DGKB: variants seen among roughly 807,000 people sequenced by gnomAD.
The protein encoded by DGKB is diacylglycerol kinase beta.
In DGKB, 67 loss-of-function variants were observed where a neutral mutation model predicts 114.3. The observed-to-expected ratio is 0.59, with a 90% CI of 0.48 to 0.72. DGKB has a LOEUF of 0.72. Among genes scored for constraint, DGKB ranks in the 30% least tolerant of loss-of-function variants. The pLI, the probability that DGKB is intolerant of heterozygous loss-of-function variation, is 0.00. For synonymous variants in DGKB, 398 were observed against 323.1 expected, an observed-to-expected ratio of 1.23 and a Z score of -2.49; for missense variants, 907 against 975.2, an observed-to-expected ratio of 0.93 and a Z score of 0.93.
At chr7:14,434,554 C>T (rs1828957957) in intron 21 of DGKB, among the ~76,000 whole-genome samples, 1 of 152,082 alleles carries the variant, frequency 6.6e-6, no homozygotes, top group Admixed American at 6.6e-5. Context: ...AAAAGTAGCT[C>T]CTCCCATAGA....
chr7:14,643,049 A>G (rs969690414), intron 13 of DGKB, among the ~76,000 whole-genome samples: 2 of 152,210 alleles, frequency 1.3e-5, no homozygotes, highest in Non-Finnish European at 2.9e-5. Context: ...ACAACAGCAA[A>G]TAAATAACCA....
chr7:14,673,103 G>A (rs945777524), intron 12 of DGKB, 76 bp from the exon 13 acceptor site: 6 of 786,782 alleles, frequency 7.6e-6, no homozygotes, highest in South Asian at 3.2e-5. Context: ...TATTTCAATC[G>A]AGATACAGCA....
At chr7:14,826,269 G>A (rs539177029) in intron 2 of DGKB, among the ~76,000 whole-genome samples, 4 of 152,104 alleles carry the variant, frequency 2.6e-5, no homozygotes, top group East Asian at 1.9e-4. Flanking sequence ...TGGGACTCTC[G>A]ATGCTTTCAA....
At chr7:14,842,944 A>G (rs868263885) in intron 1 of DGKB, among the ~76,000 whole-genome samples, 1 of 152,206 alleles carries the variant, frequency 6.6e-6, no homozygotes, top group South Asian at 2.1e-4. Context: ...CAGGTGGCTA[A>G]TGCCTATAAT....
chr7:14,767,020 T>A (rs1232771676), intron 2 of DGKB, among the ~76,000 whole-genome samples: 1 of 150,968 alleles, frequency 6.6e-6, no homozygotes, highest in East Asian at 1.9e-4. Flanking sequence ...AGAGAAAATA[T>A]GATGAGAGGA....
chr7:14,922,402 G>T (rs938061931), intron 1 of DGKB, among the ~76,000 whole-genome samples: 4 of 151,652 alleles, frequency 2.6e-5, no homozygotes, highest in Non-Finnish European at 5.9e-5. Flanking sequence ...GTGTGTGTGT[G>T]TGTGTGTGTG....
intron 13 of DGKB, among the ~76,000 whole-genome samples, chr7:14,659,541 A>T (rs56177757): frequency 6.9e-6 from 1 of 145,098 alleles, no homozygotes; most frequent in Admixed American, 7.0e-5. Context: ...TTTGTCTGTT[A>T]TTGGTGTATA....
At chr7:14,695,918 C>T (rs1823792710) in intron 8 of DGKB, among the ~76,000 whole-genome samples, 1 of 152,154 alleles carries the variant, frequency 6.6e-6, no homozygotes, top group African/African-American at 2.4e-5. Flanking sequence ...GTTCCCATGA[C>T]AGCAGACATA....
intron 20 of DGKB, 99 bp downstream of exon 20, chr7:14,574,113 A>G: frequency 1.1e-6 from 1 of 941,768 alleles, no homozygotes; most frequent in Middle Eastern, 2.5e-4. Context: ...AAAAGGTAAA[A>G]TAAGTTATTT....
intron 21 of DGKB, among the ~76,000 whole-genome samples, chr7:14,356,887 G>C (rs1814654228): frequency 6.6e-6 from 1 of 152,166 alleles, no homozygotes; most frequent in Admixed American, 6.5e-5. Context: ...AGGTTGTTCA[G>C]TTTCCCTGTA....
At chr7:14,286,348 G>C (rs908705004) in intron 23 of DGKB, among the ~76,000 whole-genome samples, 6 of 152,098 alleles carry the variant, frequency 3.9e-5, no homozygotes, top group Non-Finnish European at 7.4e-5. Context: ...TCACATGTTA[G>C]CATGGTGACG....
chr7:14,377,302 T>G (rs752939216), intron 21 of DGKB, among the ~76,000 whole-genome samples: 18 of 152,176 alleles, frequency 1.2e-4, no homozygotes, highest in Non-Finnish European at 2.2e-4. Flanking sequence ...ACTCTAACAA[T>G]GGTTTCATTA....
In DGKB at chr7:14,206,971, G is replaced by T. The variant is rs145733388; in HGVS notation, c.2123-28820C>A. On this transcript the variant is annotated intron_variant, in intron 23 of 25. Transcript: ENST00000402815. ...AATGTGAAGAAAACCTAAGTATTAG[G>T]GTAAAAATGTATGAGATGGAATTTA... Among the ~76,000 whole-genome samples, 163 of 151,588 alleles carry T rather than the reference G, an allele frequency of 1.1e-3. 1 individual carries two copies. In the East Asian group the frequency reaches 0.023, roughly 21 times the overall value.
intron 21 of DGKB, among the ~76,000 whole-genome samples, chr7:14,473,841 C>T (rs1359104985): frequency 6.6e-6 from 1 of 152,098 alleles, no homozygotes; most frequent in Non-Finnish European, 1.5e-5. Context: ...GCATGTAGCC[C>T]CTTTGTTTTG....
chr7:14,584,096 GTTT>G (rs1563587927), intron 17 of DGKB, among the ~76,000 whole-genome samples: 1 of 152,060 alleles, frequency 6.6e-6, no homozygotes, highest in Non-Finnish European at 1.5e-5. Context: ...AACTTGTGTG[GTTT>G]TATTTTAACT....
chr7:14,487,690 C>T (rs562872122), intron 20 of DGKB, among the ~76,000 whole-genome samples: 9 of 148,570 alleles, frequency 6.1e-5, no homozygotes, highest in Non-Finnish European at 1.3e-4. Flanking sequence ...CAGCCTTGAA[C>T]TCCTGGGCTC....
At position 14,699,675 on chromosome 7, in the gene DGKB, T is replaced by C. The variant is rs192822120; in HGVS notation, c.517-1506A>G. 5.9e-5 allele frequency among the ~76,000 whole-genome samples: 9 copies of C among 152,308 alleles called. No individual in the cohort carries two copies. The East Asian group carries it at 1.7e-3, about 29-fold the overall frequency. On this transcript the variant is annotated intron_variant, in intron 7 of 25. Transcript: ENST00000402815. ...ACCTTAAAGGTACCAAGACACATGA[T>C]GTCAGAAGGTACAATTTAAACCTGA...
chr7:14,530,051 A>G (rs1991687), intron 20 of DGKB, among the ~76,000 whole-genome samples: 27,312 of 151,550 alleles, frequency 0.18, 3,823 homozygotes, highest in East Asian at 0.54. Flanking sequence ...TTCATGTATC[A>G]TTACTGAAGT....
chr7:14,510,634 A>C (rs1451300646), intron 20 of DGKB, among the ~76,000 whole-genome samples: 1 of 152,236 alleles, frequency 6.6e-6, no homozygotes, highest in East Asian at 1.9e-4. Context: ...CCTCCTCCCA[A>C]GAATCATAAA....
Sources: gnomAD v4.1 joint callset for allele counts (sites outside exome capture counted in the v4.1 genomes callset) on GRCh38, gnomAD v4.1.1 for gene constraint, MANE v1.5 for transcripts, NCBI Gene and HGNC (gene_info 2026-07-23, HGNC 2026-07-21) for gene names.